Variants in INTS4 observed in about 807,000 individuals in gnomAD.
INTS4 encodes the protein MSTP093.
In INTS4, 70 loss-of-function variants were observed where a neutral mutation model predicts 119.5. The ratio of observed to expected loss-of-function variants is 0.59; its 90% CI spans 0.48 to 0.71. The LOEUF is 0.71. Ranked by LOEUF, INTS4 falls within the 30% of genes least tolerant of loss-of-function variation. The probability of loss-of-function intolerance (pLI) is 0.00; values close to 1 mark genes in which losing one functional copy is unlikely to be tolerated. For missense variants in INTS4, 867 were observed against 1,173.2 expected, an observed-to-expected ratio of 0.74 and a Z score of 3.81; for synonymous variants, 316 against 419.6, an observed-to-expected ratio of 0.75 and a Z score of 3.02.
At chr11:77,903,427 C>T in intron 17 of INTS4, 113 bp downstream of exon 17, 1 of 1,607,448 alleles carries the variant, frequency 6.2e-7, no homozygotes, top group Non-Finnish European at 8.5e-7. Context: ...CATGCCACAA[C>T]TTTTCCTGCA....
At chr11:77,964,777 G>A (rs1288036757) in intron 4 of INTS4, among the ~76,000 whole-genome samples, 1 of 151,384 alleles carries the variant, frequency 6.6e-6, no homozygotes, top group African/African-American at 2.4e-5. Flanking sequence ...AGGGAGGGGA[G>A]GCAAGCTCTC....
chr11:77,921,529 G>A, intron 13 of INTS4, 56 bp from the exon 14 acceptor site: 2 of 1,199,530 alleles, frequency 1.7e-6, no homozygotes, highest in Admixed American at 1.8e-5. Flanking sequence ...GCCAGATTCT[G>A]GCACTCTCAC....
chr11:77,899,550 A>T (rs1279331229), intron 18 of INTS4, among the ~76,000 whole-genome samples: 1 of 151,392 alleles, frequency 6.6e-6, no homozygotes, highest in Non-Finnish European at 1.5e-5. Context: ...CATGCCTGTA[A>T]TCCCAGCTAC....
intron 21 of INTS4, among the ~76,000 whole-genome samples, 159 bp downstream of exon 21, chr11:77,891,160 C>T (rs1393649758): frequency 2.0e-5 from 3 of 152,204 alleles, no homozygotes; most frequent in African/African-American, 7.2e-5. Flanking sequence ...CCACACTCAG[C>T]AGTAGTTGAG....
intron 2 of INTS4, among the ~76,000 whole-genome samples, chr11:77,983,872 A>T (rs981275404): frequency 2.6e-5 from 4 of 152,208 alleles, no homozygotes; most frequent in Non-Finnish European, 5.9e-5. Flanking sequence ...CAGCAATTCC[A>T]CTTTTGGGTA....
rs575764462 is a variant in INTS4, at chr11:77,889,139, G to A, written c.2592+2180C>T. Among the ~76,000 whole-genome samples the A allele has an allele frequency of 3.0e-4, 46 of 152,148 alleles. 1 individual carries two copies. The highest frequency in any genetic ancestry group is 8.2e-4 in the African/African-American group (34 of 41,526). The stretch of plus-strand genomic sequence containing the variant: ...ACACATGCACACATATGTTTATTGC[G>A]GCACCACTCACAATAGCAAAGACTT... On this transcript the variant is annotated intron_variant, in intron 21 of 22. Coordinates refer to ENST00000534064, the MANE Select transcript of INTS4 (RefSeq NM_033547.4).
intron 22 of INTS4, 100 bp from the exon 23 acceptor site, chr11:77,879,227 G>T: frequency 7.6e-7 from 1 of 1,310,732 alleles, no homozygotes; most frequent in Non-Finnish European, 1.0e-6. Flanking sequence ...GCAGTAGGGA[G>T]AAATTTCTTC....
Position 77,891,248 on chromosome 11 carries a change from G to A in INTS4, c.2592+71C>T, listed in dbSNP as rs906814830. The A allele has an allele frequency of 5.5e-6, 8 of 1,450,840 alleles. No individual in the cohort carries two copies. The African/African-American group carries it at 1.1e-4, about 20-fold the overall frequency. The allele number at this position is 1,450,840 out of a possible 1,614,324, so 89.9% of individuals were successfully genotyped here. A position where few individuals can be genotyped will look rare whatever the true frequency, so the allele number is the denominator to read the frequency against. Reference sequence around the variant, plus strand: ...TTCTGTCCCTCAAGTAGAGACTACAGGGGTGCTAACATTAAATACTTCAAC... The same window carrying A: ...TTCTGTCCCTCAAGTAGAGACTACAAGGGTGCTAACATTAAATACTTCAAC... On this transcript the variant is annotated intron_variant, in intron 21 of 22. Coordinates refer to ENST00000534064, the MANE Select transcript of INTS4 (RefSeq NM_033547.4).
chr11:77,984,804 A>G (rs762458067), intron 2 of INTS4, among the ~76,000 whole-genome samples: 1 of 150,444 alleles, frequency 6.6e-6, no homozygotes, highest in Admixed American at 6.7e-5. Flanking sequence ...TAAGCCTGGG[A>G]GGTGGAGGTT....
Position 77,955,923 on chromosome 11 carries a change from C to T in INTS4, c.918+19G>A. 2.5e-6 allele frequency: 4 copies of T among 1,585,054 alleles called. No individual in the cohort carries two copies. Among genetic ancestry groups the T allele is most frequent in the Non-Finnish European group, 3.4e-6 (4 of 1,163,598 alleles). Reference sequence around the variant, plus strand: ...AAATATATACATGCATACATACATACATAAAAAGTATAACTTACCAACAGT... The same window carrying T: ...AAATATATACATGCATACATACATATATAAAAAGTATAACTTACCAACAGT... On this transcript the variant is annotated intron_variant, in intron 8 of 22. Coordinates refer to ENST00000534064, the MANE Select transcript of INTS4 (RefSeq NM_033547.4).
At chr11:77,975,643 G>A (rs1855913850) in intron 4 of INTS4, among the ~76,000 whole-genome samples, 2 of 152,026 alleles carry the variant, frequency 1.3e-5, no homozygotes, top group Admixed American at 1.3e-4. Flanking sequence ...TTGACAAACA[G>A]TTGCAATTTT....
intron 6 of INTS4, among the ~76,000 whole-genome samples, 193 bp downstream of exon 6, chr11:77,960,148 C>T (rs1252074033): frequency 3.3e-5 from 5 of 152,032 alleles, no homozygotes; most frequent in South Asian, 2.1e-4. Flanking sequence ...CATGTACTAG[C>T]GCTATTTAAT....
intron 16 of INTS4, 71 bp downstream of exon 16, chr11:77,907,646 T>C: frequency 9.1e-7 from 1 of 1,099,212 alleles, no homozygotes; most frequent in Non-Finnish European, 1.4e-6. Flanking sequence ...ACTTATGGCC[T>C]CACACACTGC....
chr11:77,955,885 C>T, intron 8 of INTS4, 57 bp downstream of exon 8: 1 of 1,504,960 alleles, frequency 6.6e-7, no homozygotes, highest in Non-Finnish European at 9.0e-7. Flanking sequence ...CTCATTTCTA[C>T]AGAAAAGAAA....
intron 18 of INTS4, among the ~76,000 whole-genome samples, chr11:77,900,112 TA>T (rs1952713311): frequency 6.7e-6 from 1 of 149,892 alleles, no homozygotes; most frequent in Non-Finnish European, 1.5e-5. Flanking sequence ...TTTTTTTTTT[TA>T]TATAAAGATG....
rs545516203 is a variant in INTS4 at position 77,880,642 on chromosome 11, T to C, written c.2714-1515A>G. ...TGGCAGACCACAACCACAGCCCCAG[T>C]TGGCATAGCACTTTCAAGAAGCCAA... is the stretch of plus-strand genomic sequence containing the variant. On this transcript the variant is annotated intron_variant, in intron 22 of 22. Coordinates refer to ENST00000534064, the MANE Select transcript of INTS4 (RefSeq NM_033547.4). 3.3e-5 allele frequency among the ~76,000 whole-genome samples: 5 copies of C among 152,294 alleles called. No individual in the cohort carries two copies. In the East Asian group the frequency reaches 9.7e-4, roughly 29 times the overall value.
chr11:77,924,746 T>C lies in INTS4; in HGVS notation c.1514+4A>G, dbSNP rs779604682. 1.2e-6 allele frequency: 2 copies of C among 1,606,042 alleles called. No individual in the cohort carries two copies. The highest frequency in any genetic ancestry group is 1.7e-6 in the Non-Finnish European group (2 of 1,173,806). On this transcript the variant is annotated splice_donor_region_variant and intron_variant, in intron 12 of 22. Transcript: ENST00000534064. ...AGTGAGTAAATGGGCAAAAAAGTCA[T>C]TACTTCCATATGGAGTCCCTATCAG... is the stretch of plus-strand genomic sequence containing the variant.
At position 77,921,423 on chromosome 11, in the gene INTS4, T is replaced by C. The variant is rs771986598; in HGVS notation, c.1681A>G (p.Met561Val). 9.3e-6 allele frequency: 15 copies of C among 1,609,934 alleles called. No homozygotes were observed. Among genetic ancestry groups the C allele is most frequent in the East Asian group, 2.2e-5 (1 of 44,864 alleles). The change falls in exon 14 of 23, where the codon ATG (methionine) becomes GTG (valine). Residue 561 changes from methionine to valine, a missense_variant. By Grantham distance (21) the Met-to-Val change is conservative. Coordinates refer to ENST00000534064, the MANE Select transcript of INTS4 (RefSeq NM_033547.4). ...GTGTGATCTGAGAACAATGCTGGCA[T>C]TGTTGGACAGGTTTTAGCAGCATTG... ...IFNAAKTCPTMPALFSDHTFR... is the reference protein window; with the variant it reads ...IFNAAKTCPTVPALFSDHTFR...
In INTS4 at chr11:77,908,468, G is replaced by A. The variant is rs1953015600; in HGVS notation, c.1923-658C>T. Among the ~76,000 whole-genome samples, 3 of 151,806 alleles carry A rather than the reference G, an allele frequency of 2.0e-5. No individual in the cohort carries two copies. The South Asian group carries it at 6.2e-4, about 32-fold the overall frequency. On this transcript the variant is annotated intron_variant, in intron 15 of 22. Coordinates refer to ENST00000534064, the MANE Select transcript of INTS4 (RefSeq NM_033547.4). ...CTTAGCCTCCTGACTAGCTGGGATT[G>A]CAGACGCACACCAGCACACCCAGCT...
Sources: allele counts gnomAD v4.1 joint callset (sites outside exome capture counted in the v4.1 genomes callset), GRCh38; gene constraint gnomAD v4.1.1; transcripts MANE v1.5; gene names NCBI Gene and HGNC (gene_info 2026-07-23, HGNC 2026-07-21).